CNTNAP2: variants seen among roughly 807,000 people sequenced by gnomAD.
CNTNAP2 encodes the protein contactin associated protein 2.
CNTNAP2 carries 98 observed loss-of-function variants against 155.2 expected under a neutral mutation model. That is an observed-to-expected ratio of 0.63 (90% CI 0.54 to 0.75). The LOEUF (loss-of-function observed/expected upper bound fraction) is 0.75. Ranked by LOEUF, CNTNAP2 falls within the 30% of genes least tolerant of loss-of-function variation. CNTNAP2 has a pLI of 0.00. For synonymous variants in CNTNAP2, 651 were observed against 631.2 expected (o/e 1.03, Z -0.47); for missense variants, 1,727 against 1,688.1 (o/e 1.02, Z -0.40).
chr7:147,474,822 C>T (rs977602270), intron 10 of CNTNAP2, among the ~76,000 whole-genome samples: 1 of 152,090 alleles, frequency 6.6e-6, no homozygotes, highest in African/African-American at 2.4e-5. Flanking sequence ...TTTAGGATCT[C>T]TCAGTGTACT....
chr7:147,267,886 A>AAGTAG (rs1804651135), intron 8 of CNTNAP2, among the ~76,000 whole-genome samples: 1 of 152,130 alleles, frequency 6.6e-6, no homozygotes, highest in Non-Finnish European at 1.5e-5. Flanking sequence ...TAACCTCATG[A>AAGTAG]AGTAGAGTAC....
At chr7:147,232,280 A>T (rs143759969) in intron 8 of CNTNAP2, among the ~76,000 whole-genome samples, 5 of 152,356 alleles carry the variant, frequency 3.3e-5, no homozygotes, top group African/African-American at 1.2e-4. Flanking sequence ...CAAACTAGTC[A>T]TCAAAATTCC....
intron 3 of CNTNAP2, among the ~76,000 whole-genome samples, chr7:146,944,566 AT>A (rs1797119561): frequency 1.3e-5 from 2 of 152,154 alleles, no homozygotes; most frequent in Non-Finnish European, 2.9e-5. Context: ...ATTAATGTAG[AT>A]ATACATATGC....
rs62481372 is a variant in CNTNAP2, at chr7:147,624,977, C to A, written c.1898-14129C>A. 3.3e-3 allele frequency among the ~76,000 whole-genome samples: 499 copies of A among 152,190 alleles called. 4 individuals carry two copies. Among genetic ancestry groups the A allele is most frequent in the Non-Finnish European group, 6.1e-3 (415 of 68,000 alleles). ...CAACAACATGGATGGAACTAGAGAT[C>A]ATTATGTTAAGTGAAATAAGCCAGG... On this transcript the variant is annotated intron_variant, in intron 12 of 23. Coordinates refer to ENST00000361727, the MANE Select transcript of CNTNAP2 (RefSeq NM_014141.6).
intron 13 of CNTNAP2, among the ~76,000 whole-genome samples, chr7:147,864,097 T>C (rs1799183446): frequency 6.6e-6 from 1 of 152,086 alleles, no homozygotes; most frequent in African/African-American, 2.4e-5. Flanking sequence ...CTTGAATTAA[T>C]TTTTGTATAT....
intron 3 of CNTNAP2, among the ~76,000 whole-genome samples, chr7:146,954,995 A>T (rs1409691753): frequency 6.6e-6 from 1 of 151,978 alleles, no homozygotes; most frequent in Non-Finnish European, 1.5e-5. Context: ...TGGGAAACAA[A>T]AAAGATATTT....
chr7:146,636,639 C>G (rs1260824825), intron 1 of CNTNAP2, among the ~76,000 whole-genome samples: 1 of 152,152 alleles, frequency 6.6e-6, no homozygotes, highest in African/African-American at 2.4e-5. Context: ...GAAGGTCAAC[C>G]ACTAAAATCA....
intron 5 of CNTNAP2, among the ~76,000 whole-genome samples, chr7:147,118,090 T>A (rs1447518806): frequency 1.3e-5 from 2 of 151,942 alleles, no homozygotes; most frequent in Non-Finnish European, 2.9e-5. Context: ...AGATAACTCA[T>A]AAAAGAAAAA....
At chr7:147,738,725 G>A (rs1295510779) in intron 13 of CNTNAP2, among the ~76,000 whole-genome samples, 1 of 149,568 alleles carries the variant, frequency 6.7e-6, no homozygotes, top group Non-Finnish European at 1.5e-5. Context: ...TGCAATCTTG[G>A]GTCACTGCAA....
At position 147,340,776 on chromosome 7, in the gene CNTNAP2, ACTCT is replaced by A. The variant is rs1032236495; in HGVS notation, c.1498+40490_1498+40493del. On this transcript the variant is annotated intron_variant, in intron 9 of 23. Transcript: ENST00000361727. ...TACCATTTCACACTATTTTTTCAACACTCTCTCCACATTATTGACAGTTCAGCTA... is the reference window on the plus strand; with the variant it reads ...TACCATTTCACACTATTTTTTCAACACTCCACATTATTGACAGTTCAGCTA... Among the ~76,000 whole-genome samples the A allele has an allele frequency of 6.6e-5, 10 of 151,850 alleles. No homozygotes were observed. The South Asian group carries it at 8.3e-4, about 13-fold the overall frequency.
At chr7:146,147,543 A>G (rs934763315) in intron 1 of CNTNAP2, among the ~76,000 whole-genome samples, 2 of 152,022 alleles carry the variant, frequency 1.3e-5, no homozygotes, top group East Asian at 1.9e-4. Context: ...ACCCACTTCT[A>G]TTTTTCCCTA....
intron 15 of CNTNAP2, among the ~76,000 whole-genome samples, chr7:148,010,591 T>C (rs1802061236): frequency 6.6e-6 from 1 of 151,960 alleles, no homozygotes; most frequent in African/African-American, 2.4e-5. Context: ...ACAACCAAAT[T>C]TTCCATCATC....
intron 22 of CNTNAP2, among the ~76,000 whole-genome samples, chr7:148,394,580 A>C (rs1273740496): frequency 6.6e-6 from 1 of 152,208 alleles, no homozygotes; most frequent in Non-Finnish European, 1.5e-5. Context: ...GTTTATGTAT[A>C]AGTTCATTAC....
intron 1 of CNTNAP2, among the ~76,000 whole-genome samples, chr7:146,351,400 T>A (rs1253970824): frequency 6.6e-6 from 1 of 152,316 alleles, no homozygotes; most frequent in East Asian, 1.9e-4. Flanking sequence ...GATGGGTTTT[T>A]ATGTTTGCTT....
At chr7:147,912,792 T>C (rs918230245) in intron 14 of CNTNAP2, among the ~76,000 whole-genome samples, 3 of 152,088 alleles carry the variant, frequency 2.0e-5, no homozygotes, top group Admixed American at 6.5e-5. Flanking sequence ...CTACCTCAGT[T>C]CCTACAGGAG....
chr7:147,653,313 C>T (rs913402204), intron 13 of CNTNAP2, among the ~76,000 whole-genome samples: 6 of 152,118 alleles, frequency 3.9e-5, no homozygotes, highest in African/African-American at 1.4e-4. Context: ...ACAAGTGACA[C>T]ATCCAGTGTT....
intron 9 of CNTNAP2, among the ~76,000 whole-genome samples, chr7:147,392,655 G>C (rs1796739035): frequency 6.6e-6 from 1 of 151,930 alleles, no homozygotes. Flanking sequence ...ATAGTCTCTA[G>C]TCCCATCTGG....
chr7:148,159,129 T>A (rs1356067923), intron 17 of CNTNAP2, among the ~76,000 whole-genome samples: 2 of 152,186 alleles, frequency 1.3e-5, no homozygotes, highest in Non-Finnish European at 1.5e-5. Flanking sequence ...TGCTCCTTCG[T>A]GTTTTCAAGG....
intron 15 of CNTNAP2, among the ~76,000 whole-genome samples, chr7:148,045,458 T>C (rs1240549570): frequency 9.8e-6 from 1 of 102,500 alleles, no homozygotes; most frequent in Non-Finnish European, 2.0e-5. Context: ...AGGTAGGTTG[T>C]ATTGAGCTGT....
Sources: allele counts gnomAD v4.1 joint callset (sites outside exome capture counted in the v4.1 genomes callset), GRCh38; gene constraint gnomAD v4.1.1; transcripts MANE v1.5; gene names NCBI Gene and HGNC (gene_info 2026-07-23, HGNC 2026-07-21).